Variants in PDE5A observed in about 807,000 individuals in gnomAD.
PDE5A encodes the protein phosphodiesterase 5A, also known as cGMP-specific 3',5'-cyclic phosphodiesterase.
A neutral mutation model predicts 110.2 loss-of-function variants in PDE5A; 67 were observed. The observed-to-expected ratio is 0.61, with a 90% CI of 0.50 to 0.75. The LOEUF (loss-of-function observed/expected upper bound fraction) is 0.75. Ranked by LOEUF, PDE5A falls within the 30% of genes least tolerant of loss-of-function variation. PDE5A has a pLI of 0.00. For synonymous variants in PDE5A, 328 were observed against 351.2 expected (o/e 0.93, Z 0.74); for missense variants, 862 against 1,045.1 (o/e 0.82, Z 2.42).
At chr4:119,581,340 G>A (rs1250482361) in intron 3 of PDE5A, among the ~76,000 whole-genome samples, 4 of 152,192 alleles carry the variant, frequency 2.6e-5, no homozygotes, top group African/African-American at 4.8e-5. Flanking sequence ...GATCACTGCT[G>A]TTGCCTCTAC....
At chr4:119,536,772 G>A (rs1380062077) in intron 11 of PDE5A, among the ~76,000 whole-genome samples, 3 of 152,056 alleles carry the variant, frequency 2.0e-5, no homozygotes, top group Admixed American at 2.0e-4. Context: ...CCAGTGCTGT[G>A]CAATCTTGTG....
chr4:119,519,168 A>G (rs1170782868), intron 13 of PDE5A, 29 bp from the exon 14 acceptor site: 1 of 1,520,678 alleles, frequency 6.6e-7, no homozygotes, highest in Admixed American at 1.7e-5. Flanking sequence ...TGGAGGAAAG[A>G]GAGAACAAAT....
chr4:119,613,526 C>A (rs1267004065), intron 1 of PDE5A, among the ~76,000 whole-genome samples: 1 of 152,062 alleles, frequency 6.6e-6, no homozygotes, highest in Non-Finnish European at 1.5e-5. Context: ...AAGTTATATA[C>A]ATATTGGATG....
intron 3 of PDE5A, among the ~76,000 whole-genome samples, chr4:119,580,065 G>T (rs929915468): frequency 2.0e-5 from 3 of 152,144 alleles, no homozygotes; most frequent in East Asian, 3.9e-4. Flanking sequence ...GCCTCTGGGG[G>T]TCAGTAGCTG....
At chr4:119,517,448 C>T (rs1725951158) in intron 14 of PDE5A, among the ~76,000 whole-genome samples, 1 of 150,802 alleles carries the variant, frequency 6.6e-6, no homozygotes, top group Admixed American at 6.6e-5. Context: ...GTTTCCTCTA[C>T]TGAAACCACA....
intron 3 of PDE5A, among the ~76,000 whole-genome samples, chr4:119,582,700 T>C (rs540261219): frequency 1.8e-4 from 27 of 152,220 alleles, no homozygotes; most frequent in Non-Finnish European, 3.5e-4. Context: ...GGCTGCAGAA[T>C]GGATGTTGTA....
At chr4:119,602,379 T>G (rs1041220368) in intron 2 of PDE5A, among the ~76,000 whole-genome samples, 5 of 152,174 alleles carry the variant, frequency 3.3e-5, no homozygotes, top group Non-Finnish European at 7.3e-5. Context: ...TTTCTTATAC[T>G]GGTCTTGCAA....
chr4:119,543,176 T>C (rs1281623068), intron 9 of PDE5A: 1 of 151,836 alleles, frequency 6.6e-6, no homozygotes. Flanking sequence ...AGAATCAAAT[T>C]TGCAGAAAAC....
chr4:119,610,721 C>G (rs575928833), intron 1 of PDE5A, among the ~76,000 whole-genome samples: 1 of 152,192 alleles, frequency 6.6e-6, no homozygotes, highest in Non-Finnish European at 1.5e-5. Flanking sequence ...TCCTTCAACT[C>G]TCACATTCAG....
chr4:119,545,716 G>A (rs543592479), intron 9 of PDE5A, among the ~76,000 whole-genome samples: 14 of 152,150 alleles, frequency 9.2e-5, no homozygotes, highest in Non-Finnish European at 1.6e-4. Context: ...ATAATTCTTG[G>A]GATCGGATGT....
chr4:119,572,579 A>G (rs1728180518), intron 3 of PDE5A, among the ~76,000 whole-genome samples: 1 of 152,212 alleles, frequency 6.6e-6, no homozygotes. Flanking sequence ...GAGATTATTT[A>G]ATTTTTAATT....
chr4:119,585,494 A>G (rs1391515316), intron 3 of PDE5A, among the ~76,000 whole-genome samples: 1 of 152,162 alleles, frequency 6.6e-6, no homozygotes. Flanking sequence ...TTTTTAGTAC[A>G]TGAAAGGTGA....
At chr4:119,542,148 T>C (rs758976206) in intron 10 of PDE5A, 5 of 223,926 alleles carry the variant, frequency 2.2e-5, no homozygotes, top group Non-Finnish European at 3.5e-5. Flanking sequence ...AGACAGATAA[T>C]TGGCAGTAGT....
chr4:119,621,774 T>C (rs571888943), intron 1 of PDE5A, among the ~76,000 whole-genome samples: 5 of 152,354 alleles, frequency 3.3e-5, no homozygotes, highest in African/African-American at 1.2e-4. Context: ...CAATTCTCTA[T>C]GGGTTCAAGT....
In PDE5A at chr4:119,627,409, G is replaced by C. The variant is rs921032373; in HGVS notation, c.152+1111C>G. ...GGCCGCGCGCCGGCGAGTGGGACCC[G>C]GGCGTCGAACCCGGGCGGGCTCCTC... On this transcript the variant is annotated intron_variant, in intron 1 of 20. Transcript: ENST00000354960. This position sits in a 1 kb window ranked among gnomAD's most constrained non-coding sequence, Gnocchi z 4.6. The C allele has an allele frequency of 8.4e-6, 5 of 592,392 alleles. No homozygotes were observed. In the African/African-American group the frequency reaches 1.0e-4, roughly 12 times the overall value. The allele number at this position is 592,392 out of a possible 1,614,324, so 36.7% of individuals were successfully genotyped here.
rs1021727478 is a variant in PDE5A at position 119,551,704 on chromosome 4, C to T, written c.1396+846G>A. On this transcript the variant is annotated intron_variant, in intron 9 of 20. Coordinates refer to ENST00000354960, the MANE Select transcript of PDE5A (RefSeq NM_001083.4). ...GTCTTTTCTTTTTCTATTTTCATTA[C>T]TGATATACCCTCTGCCCCTTCTTTC... Among the ~76,000 whole-genome samples the T allele has an allele frequency of 1.5e-3, 12 of 7,856 alleles. No homozygotes were observed. The Non-Finnish European group carries it at 0.087, about 57-fold the overall frequency. The allele number at this position is 7,856 out of a possible 152,430, so 5.2% of individuals were successfully genotyped here.
intron 9 of PDE5A, among the ~76,000 whole-genome samples, chr4:119,545,254 T>C (rs889116716): frequency 6.6e-6 from 1 of 152,100 alleles, no homozygotes; most frequent in Non-Finnish European, 1.5e-5. Context: ...GGTTCCCTGT[T>C]TAAGAAAACT....
intron 12 of PDE5A, among the ~76,000 whole-genome samples, chr4:119,523,787 T>C (rs1726211934): frequency 6.6e-6 from 1 of 152,084 alleles, no homozygotes; most frequent in Non-Finnish European, 1.5e-5. Flanking sequence ...CACATTCCTC[T>C]ACTCTAGCCA....
intron 9 of PDE5A, among the ~76,000 whole-genome samples, chr4:119,550,878 G>T (rs1727329558): frequency 6.6e-6 from 1 of 151,982 alleles, no homozygotes. Flanking sequence ...CATTTACTTG[G>T]TATCATATTG....
Sources: gnomAD v4.1 joint callset for allele counts (sites outside exome capture counted in the v4.1 genomes callset) on GRCh38, gnomAD v4.1.1 for gene constraint, Gnocchi (gnomAD v3.1) non-coding constraint, MANE v1.5 for transcripts, NCBI Gene and HGNC (gene_info 2026-07-23, HGNC 2026-07-21) for gene names.